DNM3: variants seen among roughly 807,000 people sequenced by gnomAD.
DNM3 encodes dynamin 3, also known as dynamin-3.
A neutral mutation model predicts 101.6 loss-of-function variants in DNM3; 47 were observed. The ratio of observed to expected loss-of-function variants is 0.46; its 90% CI spans 0.37 to 0.59. DNM3 has a LOEUF of 0.59. DNM3 is among the 20% of genes least tolerant of loss of function. The probability of loss-of-function intolerance (pLI) is 0.00; values close to 1 mark genes in which losing one functional copy is unlikely to be tolerated. For missense variants in DNM3, 849 were observed against 1,085.7 expected (o/e 0.78, Z 3.06); for synonymous variants, 385 against 387.9 (o/e 0.99, Z 0.09).
At chr1:172,046,029 A>G (rs2125851612) in intron 9 of DNM3, among the ~76,000 whole-genome samples, 1 of 152,306 alleles carries the variant, frequency 6.6e-6, no homozygotes. Flanking sequence ...TAGAAATACC[A>G]TTTGACCCAG....
At chr1:172,272,436 T>C (rs1459339418) in intron 15 of DNM3, among the ~76,000 whole-genome samples, 1 of 152,140 alleles carries the variant, frequency 6.6e-6, no homozygotes, top group Non-Finnish European at 1.5e-5. Flanking sequence ...CAGTACCTCA[T>C]TGTGATGTTG....
At chr1:171,917,170 C>A (rs766018277) in intron 1 of DNM3, among the ~76,000 whole-genome samples, 22 of 152,194 alleles carry the variant, frequency 1.4e-4, no homozygotes, top group Non-Finnish European at 2.4e-4. Context: ...TGCCTCCCAT[C>A]TTCAGTTAAG....
chr1:172,044,248 C>T, intron 8 of DNM3, 137 bp from the exon 9 acceptor site: 1 of 696,974 alleles, frequency 1.4e-6, no homozygotes, highest in Non-Finnish European at 2.4e-6. Context: ...GATGTTTTGA[C>T]CATCTGGGTT....
intron 17 of DNM3, among the ~76,000 whole-genome samples, chr1:172,354,126 A>AGAGAGAGAGAGG (rs2067328471): frequency 6.7e-6 from 1 of 149,840 alleles, no homozygotes; most frequent in African/African-American, 2.5e-5. Context: ...AGAGAGAGAG[A>AGAGAGAGAGAGG]GAGAGAGAGA....
chr1:171,995,877 G>A (rs1221287210), intron 4 of DNM3, among the ~76,000 whole-genome samples: 1 of 152,078 alleles, frequency 6.6e-6, no homozygotes, highest in Non-Finnish European at 1.5e-5. Context: ...TCTTCTGAGA[G>A]GTAGTGTATT....
At chr1:171,926,918 A>G (rs2040616759) in intron 2 of DNM3, among the ~76,000 whole-genome samples, 1 of 152,214 alleles carries the variant, frequency 6.6e-6, no homozygotes, top group Admixed American at 6.5e-5. Flanking sequence ...AAGGGCTTAT[A>G]TGAAAACCAC....
intron 14 of DNM3, among the ~76,000 whole-genome samples, chr1:172,213,228 CT>C (rs1186979339): frequency 2.0e-5 from 3 of 151,622 alleles, no homozygotes; most frequent in African/African-American, 7.3e-5. Flanking sequence ...ACCAAGTTTG[CT>C]TCTGGCCAAT....
chr1:171,997,138 T>C (rs2046052596), intron 4 of DNM3, among the ~76,000 whole-genome samples: 1 of 152,186 alleles, frequency 6.6e-6, no homozygotes, highest in Non-Finnish European at 1.5e-5. Context: ...TTATTTTATT[T>C]GTTGTATAGA....
intron 4 of DNM3, among the ~76,000 whole-genome samples, chr1:172,023,981 C>T (rs1572133350): frequency 6.6e-6 from 1 of 150,484 alleles, no homozygotes; most frequent in East Asian, 1.9e-4. Context: ...GATTTTTTGC[C>T]TGGTGTTTCT....
chr1:172,027,712 A>G (rs1428314860), intron 4 of DNM3, among the ~76,000 whole-genome samples: 1 of 152,138 alleles, frequency 6.6e-6, no homozygotes, highest in African/African-American at 2.4e-5. Flanking sequence ...GACTCAAAAT[A>G]AAGGGATGGA....
chr1:172,244,958 C>T (rs1350979050), intron 14 of DNM3, among the ~76,000 whole-genome samples: 1 of 152,140 alleles, frequency 6.6e-6, no homozygotes, highest in Admixed American at 6.6e-5. Context: ...AAATATTATT[C>T]TGGTATTCTC....
intron 4 of DNM3, among the ~76,000 whole-genome samples, chr1:171,997,079 C>A (rs2046048478): frequency 6.6e-6 from 1 of 151,774 alleles, no homozygotes. Context: ...CAAATGCTAG[C>A]AGTTATTTTC....
intron 13 of DNM3, among the ~76,000 whole-genome samples, chr1:172,125,329 T>C (rs936161973): frequency 4.6e-5 from 7 of 152,170 alleles, no homozygotes; most frequent in Admixed American, 3.3e-4. Flanking sequence ...ACACTAGAAG[T>C]CTTCCACATG....
chr1:171,848,076 G>A (rs886704732), intron 1 of DNM3, among the ~76,000 whole-genome samples: 6 of 152,110 alleles, frequency 3.9e-5, no homozygotes, highest in Non-Finnish European at 8.8e-5. Flanking sequence ...ATTTGCCCAA[G>A]GTCAGAAGAA....
intron 2 of DNM3, among the ~76,000 whole-genome samples, chr1:171,945,565 G>A (rs1170794617): frequency 2.0e-5 from 3 of 152,170 alleles, no homozygotes; most frequent in Non-Finnish European, 2.9e-5. Flanking sequence ...TCAACAATGA[G>A]GAAATGGGGG....
intron 18 of DNM3, among the ~76,000 whole-genome samples, 162 bp downstream of exon 18, chr1:172,379,344 G>T (rs2068770348): frequency 6.6e-6 from 1 of 152,040 alleles, no homozygotes; most frequent in Admixed American, 6.6e-5. Flanking sequence ...ACCAGTGAAA[G>T]AGAACTTAGG....
At chr1:172,374,261 C>T (rs749210840) in intron 17 of DNM3, among the ~76,000 whole-genome samples, 2 of 151,752 alleles carry the variant, frequency 1.3e-5, no homozygotes, top group African/African-American at 4.8e-5. Flanking sequence ...TCTACTAAGG[C>T]TCTTGGGCCC....
At chr1:171,854,764 CG>C (rs1007506226) in intron 1 of DNM3, among the ~76,000 whole-genome samples, 26 of 151,136 alleles carry the variant, frequency 1.7e-4, no homozygotes, top group African/African-American at 5.3e-4. Context: ...TTTGTGGAGA[CG>C]GGGTTTCACC....
intron 14 of DNM3, among the ~76,000 whole-genome samples, chr1:172,165,941 G>A (rs1175658897): frequency 6.6e-6 from 1 of 151,912 alleles, no homozygotes; most frequent in African/African-American, 2.4e-5. Context: ...CAGGCACTGT[G>A]CTGGGTGCTT....
Sources: gnomAD v4.1 joint callset for allele counts (sites outside exome capture counted in the v4.1 genomes callset) on GRCh38, gnomAD v4.1.1 for gene constraint, MANE v1.5 for transcripts, NCBI Gene and HGNC (gene_info 2026-07-23, HGNC 2026-07-21) for gene names.